The following PRR35 variants were observed in gnomAD, a reference collection of about 807,000 sequenced individuals.
PRR35 encodes proline-rich protein 35.
In PRR35, 14 loss-of-function variants were observed where a neutral mutation model predicts 18.6. That is an observed-to-expected ratio of 0.75 (90% confidence interval 0.50 to 1.18). The LOEUF (loss-of-function observed/expected upper bound fraction) is 1.18, where lower values mean the gene tolerates loss of function less well. Ranked by LOEUF, PRR35 falls within the 50% of genes most tolerant of loss-of-function variation. PRR35 has a pLI of 0.00. For synonymous variants in PRR35, 425 were observed against 378.2 expected (o/e 1.12, Z -1.43); for missense variants, 832 against 792.2 (o/e 1.05, Z -0.60).
In PRR35 at chr16:564,219, C is replaced by T; in HGVS notation, c.925C>T (p.Leu309=). Residue 309 remains leucine, a synonymous_variant, in exon 2 of 3, where the codon CTG becomes TTG. Transcript: ENST00000409413. ...CCTGCTGAAGGTGCCAGTTCCAGGG[C>T]TGGGGCCCTGGCCCCGAGTCACCCC... ...PGLLKVPVPG[L]GPWPRVTPRD... is the part of the protein sequence containing the mutation. 6.4e-7 allele frequency: 1 copy of T among 1,569,962 alleles called. No individual in the cohort carries two copies.
chr16:560,705 G>A (rs2142104394), intron 1 of PRR35, 44 bp downstream of exon 1: 1 of 980,554 alleles, frequency 1.0e-6, no homozygotes, highest in Non-Finnish European at 1.2e-6. Context: ...TGGGCGTCGC[G>A]GGGCCGGCTG....
chr16:563,734 C>T lies in PRR35; in HGVS notation c.440C>T (p.Ala147Val). Residue 147 changes from alanine (A) to valine (V), a missense_variant, in exon 2 of 3, where the codon GCC becomes GTC. By Grantham distance (64) the Ala-to-Val change is moderately conservative. This residue lies in a region of PRR35 where 768 missense variants were observed against 704.1 expected (regional missense o/e 1.09). Transcript: ENST00000409413. Reference sequence around the variant, plus strand: ...GGGCCACCACCCCCTGTGGCTAGGGCCACCCGGAAGGGTCCCGGCCCCAGT... The same window carrying T: ...GGGCCACCACCCCCTGTGGCTAGGGTCACCCGGAAGGGTCCCGGCCCCAGT... ...SPGPPPPVAR[A>V]TRKGPGPSGL... 1 of 1,529,664 alleles carries T rather than the reference C, an allele frequency of 6.5e-7. No individual in the cohort carries two copies. 94.8% of individuals were successfully genotyped at this position (1,529,664 alleles called of 1,614,324 possible).
At chr16:561,678 T>C (rs914043498) in intron 1 of PRR35, 1 of 959,664 alleles carries the variant, frequency 1.0e-6, no homozygotes, top group African/African-American at 1.8e-5. Flanking sequence ...TCCAGCCCTG[T>C]TGGTCGTCCC....
In PRR35 at chr16:565,288, C is replaced by G. The variant is rs1486761080; in HGVS notation, c.1697C>G (p.Pro566Arg). The change falls in exon 3 of 3, where the codon CCC (proline) becomes CGC (arginine). Residue 566 changes from proline to arginine, a missense_variant. Physicochemically the swap from Pro to Arg is moderately radical, Grantham distance 103. Coordinates refer to ENST00000409413, the MANE Select transcript of PRR35 (RefSeq NM_145270.3). ...TPEAVCGLQSPQGAEV is the reference protein window; with the variant it reads ...TPEAVCGLQSRQGAEV Reference sequence around the variant, plus strand: ...GAGGCTGTCTGTGGCCTGCAGAGCCCCCAGGGCGCCGAGGTCTGACCTGCA... The same window carrying G: ...GAGGCTGTCTGTGGCCTGCAGAGCCGCCAGGGCGCCGAGGTCTGACCTGCA... The G allele has an allele frequency of 6.6e-7, 1 of 1,525,732 alleles. No homozygotes were observed. The allele number at this position is 1,525,732 out of a possible 1,614,324, so 94.5% of individuals were successfully genotyped here.
intron 1 of PRR35, among the ~76,000 whole-genome samples, chr16:562,163 G>A (rs945447616): frequency 2.0e-5 from 3 of 152,320 alleles, no homozygotes; most frequent in South Asian, 2.1e-4. Context: ...GGAGTGTGGC[G>A]CGCATACCAG....
chr16:561,594 C>T (rs796848144), intron 1 of PRR35, among the ~76,000 whole-genome samples: 2 of 152,264 alleles, frequency 1.3e-5, no homozygotes, highest in African/African-American at 2.4e-5. Context: ...CACAGACCAG[C>T]TGGTCAGCCT....
At chr16:564,583 G>A in intron 2 of PRR35, 91 bp from the exon 3 acceptor site, 1 of 1,422,378 alleles carries the variant, frequency 7.0e-7, no homozygotes, top group Non-Finnish European at 9.2e-7. Flanking sequence ...TCTAGGCTGG[G>A]GCCACAGGGC....
In PRR35 at chr16:564,728, C is replaced by G; in HGVS notation, c.1137C>G (p.Gly379=). Residue 379 remains glycine, a synonymous_variant, in exon 3 of 3, where the codon GGC becomes GGG. Transcript: ENST00000409413. ...MLWPEDGDPG[G]PETPGPEGPL... ...GGCCTGAGGACGGGGATCCAGGCGG[C>G]CCTGAGACCCCCGGCCCTGAGGGCC... 1 of 1,534,178 alleles carries G rather than the reference C, an allele frequency of 6.5e-7. No homozygotes were observed. Among genetic ancestry groups the G allele is most frequent in the East Asian group, 2.4e-5 (1 of 40,956 alleles).
chr16:564,458 C>G, intron 2 of PRR35, 82 bp downstream of exon 2: 1 of 1,520,208 alleles, frequency 6.6e-7, no homozygotes, highest in Non-Finnish European at 8.8e-7. Context: ...CTGGGCATGG[C>G]GGCTGGGGTC....
Position 563,519 on chromosome 16 carries a change from G to C in PRR35, c.225G>C (p.Ala75=). The change falls in exon 2 of 3, where the codon GCG becomes GCC. Residue 75 remains alanine, a synonymous_variant. Transcript: ENST00000409413. ...LSLLLDSPDW[A]CRRGSTTPRP... is the part of the protein sequence containing the mutation. The stretch of plus-strand genomic sequence containing the variant: ...TGCTGCTAGACTCCCCAGACTGGGC[G>C]TGCCGCCGTGGCTCCACCACGCCTA... 6.2e-7 allele frequency: 1 copy of C among 1,611,878 alleles called. No individual in the cohort carries two copies. The highest frequency in any genetic ancestry group is 8.5e-7 in the Non-Finnish European group (1 of 1,179,464).
chr16:561,633 C>T, intron 1 of PRR35: 1 of 718,638 alleles, frequency 1.4e-6, no homozygotes, highest in South Asian at 6.2e-5. Context: ...CGTGACTGCC[C>T]TGCAGGGCCC....
chr16:561,255 A>G (rs1363249369), intron 1 of PRR35, among the ~76,000 whole-genome samples: 1 of 152,188 alleles, frequency 6.6e-6, no homozygotes. Context: ...CGGGTCCCCA[A>G]GGGGTCAGCA....
intron 1 of PRR35, among the ~76,000 whole-genome samples, chr16:561,957 C>T (rs1284594877): frequency 6.6e-6 from 1 of 152,184 alleles, no homozygotes; most frequent in Non-Finnish European, 1.5e-5. Flanking sequence ...GTGTGTGCAG[C>T]CAGGGCCCCG....
In PRR35 at chr16:565,508, A is replaced by G. The variant is rs757073453; in HGVS notation, c.*201A>G. On this transcript the variant is annotated 3_prime_UTR_variant, in exon 3 of 3. Coordinates refer to ENST00000409413, the MANE Select transcript of PRR35 (RefSeq NM_145270.3). ...TTATTTATTGATCACAATTGTGGACATTAAAACAGAAACTGTTCACACACG... is the reference window on the plus strand; with the variant it reads ...TTATTTATTGATCACAATTGTGGACGTTAAAACAGAAACTGTTCACACACG... 26 of 514,476 alleles carry G rather than the reference A, an allele frequency of 5.1e-5. No individual in the cohort carries two copies. The highest frequency in any genetic ancestry group is 6.9e-5 in the Non-Finnish European group (22 of 317,088). The allele number at this position is 514,476 out of a possible 1,614,324, so 31.9% of individuals were successfully genotyped here. A position where few individuals can be genotyped will look rare whatever the true frequency, so the allele number is the denominator to read the frequency against.
In PRR35 at chr16:565,415, G is replaced by A. The variant is rs1279940737; in HGVS notation, c.*108G>A. 1.6e-6 allele frequency: 2 copies of A among 1,219,306 alleles called. No individual in the cohort carries two copies. The highest frequency in any genetic ancestry group is 2.2e-6 in the Non-Finnish European group (2 of 924,354). 75.5% of individuals were successfully genotyped at this position (1,219,306 alleles called of 1,614,324 possible). A position where few individuals can be genotyped will look rare whatever the true frequency, so the allele number is the denominator to read the frequency against. On this transcript the variant is annotated 3_prime_UTR_variant, in exon 3 of 3. Transcript: ENST00000409413. ...ACCTGCCCCGCCTCCGCATGCATGTGGATAGACCCCCACGGGCCGTGGCCA... is the reference window on the plus strand; with the variant it reads ...ACCTGCCCCGCCTCCGCATGCATGTAGATAGACCCCCACGGGCCGTGGCCA...
intron 1 of PRR35, among the ~76,000 whole-genome samples, chr16:561,055 C>T (rs886575006): frequency 2.0e-5 from 3 of 152,028 alleles, no homozygotes; most frequent in Non-Finnish European, 4.4e-5. Flanking sequence ...CAGCTCTCCC[C>T]CAAACAGGGA....
chr16:564,008 G>C lies in PRR35; in HGVS notation c.714G>C (p.Ser238=), dbSNP rs748444703. The C allele has an allele frequency of 7.5e-6, 12 of 1,597,380 alleles. No individual in the cohort carries two copies. Among genetic ancestry groups the C allele is most frequent in the Non-Finnish European group, 9.4e-6 (11 of 1,174,950 alleles). Residue 238 remains serine, a synonymous_variant, in exon 2 of 3, where the codon TCG becomes TCC. Transcript: ENST00000409413. ...AAAAHVPFLA[S]ASPLLPPATA... ...CAGCCCATGTGCCCTTCCTGGCCTC[G>C]GCCAGCCCCCTGCTGCCCCCGGCCA...
Position 564,393 on chromosome 16 carries a change from C to T in PRR35, c.1082+17C>T. On this transcript the variant is annotated intron_variant, in intron 2 of 2. Coordinates refer to ENST00000409413, the MANE Select transcript of PRR35 (RefSeq NM_145270.3). ...CCGGAGCAGGTGGGCGTCTTGGGCT[C>T]CCGGTTCCTGGGGTGGACGGAGGGG... 1.3e-6 allele frequency: 2 copies of T among 1,589,736 alleles called. No individual in the cohort carries two copies. The highest frequency in any genetic ancestry group is 8.5e-7 in the Non-Finnish European group (1 of 1,176,104).
chr16:562,557 A>G lies in PRR35; in HGVS notation c.-39-699A>G, dbSNP rs62034772. Among the ~76,000 whole-genome samples, 9 of 151,380 alleles carry G rather than the reference A, an allele frequency of 5.9e-5. No individual in the cohort carries two copies. The East Asian group carries it at 1.8e-3, about 29-fold the overall frequency. On this transcript the variant is annotated intron_variant, in intron 1 of 2. Coordinates refer to ENST00000409413, the MANE Select transcript of PRR35 (RefSeq NM_145270.3). ...TGTGCACACACACGCACATGCACGC[A>G]CACACACGTGCATGCACACGCACAC... is the stretch of plus-strand genomic sequence containing the variant.
Sources: allele counts gnomAD v4.1 joint callset (sites outside exome capture counted in the v4.1 genomes callset), GRCh38; gene constraint gnomAD v4.1.1; regional missense constraint gnomAD v4.1.1; transcripts MANE v1.5; gene names NCBI Gene and HGNC (gene_info 2026-07-23, HGNC 2026-07-21).